Variants in PAPPA observed in about 807,000 individuals in gnomAD.
The protein encoded by PAPPA is pappalysin-1.
A neutral mutation model predicts 164.0 loss-of-function variants in PAPPA; 60 were observed. The ratio of observed to expected loss-of-function variants is 0.37; its 90% CI spans 0.30 to 0.45. The LOEUF is 0.45. Among genes scored for constraint, PAPPA ranks in the 20% least tolerant of loss-of-function variants. The pLI is 1.00. For missense variants in PAPPA, 1,782 were observed against 2,087.3 expected (o/e 0.85, Z 2.85); for synonymous variants, 875 against 814.1 (o/e 1.07, Z -1.27).
At chr9:116,364,743 CAGA>C (rs1472472767) in intron 18 of PAPPA, among the ~76,000 whole-genome samples, 4 of 152,142 alleles carry the variant, frequency 2.6e-5, no homozygotes, top group Admixed American at 2.0e-4. Flanking sequence ...TTCTCTCCAT[CAGA>C]ACAGTGGAGA....
Position 116,187,438 on chromosome 9 carries a change from A to G in PAPPA, c.700A>G (p.Lys234Glu). 6.2e-7 allele frequency: 1 copy of G among 1,614,170 alleles called. No individual in the cohort carries two copies. Among genetic ancestry groups the G allele is most frequent in the South Asian group, 1.1e-5 (1 of 91,088 alleles). The change falls in exon 2 of 22, where the codon AAG becomes GAG. Residue 234 changes from lysine to glutamate, a missense_variant. Physicochemically the swap from Lys to Glu is moderately conservative, Grantham distance 56 (BLOSUM62 1). Around this residue, in one of 2 missense-constraint regions of PAPPA, gnomAD observed 458 missense variants for 430.3 expected, o/e 1.06. Transcript: ENST00000328252. This position sits in a 1 kb window ranked among gnomAD's most constrained non-coding sequence, Gnocchi z 4.2. Reference protein sequence around the residue: ...VGGIFSPLTQKCKVLMLGGSA... With the variant: ...VGGIFSPLTQECKVLMLGGSA... ...TGGCATATTCAGCCCACTGACCCAG[A>G]AGTGCAAAGTGCTCATGTTAGGGGG...
intron 9 of PAPPA, among the ~76,000 whole-genome samples, chr9:116,283,843 C>A (rs577549335): frequency 6.6e-6 from 1 of 152,076 alleles, no homozygotes; most frequent in Admixed American, 6.6e-5. Flanking sequence ...CCATTTGTCC[C>A]GTGTGCATTT....
intron 13 of PAPPA, among the ~76,000 whole-genome samples, chr9:116,339,752 T>C (rs1312776609): frequency 1.3e-5 from 2 of 152,100 alleles, no homozygotes; most frequent in Non-Finnish European, 2.9e-5. Context: ...ACACCGTGAG[T>C]CAAGGAACAG....
At chr9:116,225,754 G>A (rs2118718896) in intron 5 of PAPPA, among the ~76,000 whole-genome samples, 1 of 152,192 alleles carries the variant, frequency 6.6e-6, no homozygotes, top group African/African-American at 2.4e-5. Flanking sequence ...CCTACAATTT[G>A]AAGGTCTGCA....
intron 10 of PAPPA, among the ~76,000 whole-genome samples, chr9:116,319,449 T>C (rs1038258302): frequency 1.3e-5 from 2 of 152,174 alleles, no homozygotes; most frequent in Non-Finnish European, 2.9e-5. Context: ...TAACATTTCA[T>C]GCAATATAAA....
At chr9:116,396,246 T>G (rs1035181905) in intron 21 of PAPPA, among the ~76,000 whole-genome samples, 2 of 152,212 alleles carry the variant, frequency 1.3e-5, no homozygotes, top group African/African-American at 4.8e-5. Context: ...AAGTGTTTTC[T>G]TGTTTGGAAA....
At chr9:116,182,401 G>A (rs1332919622) in intron 1 of PAPPA, among the ~76,000 whole-genome samples, 1 of 152,190 alleles carries the variant, frequency 6.6e-6, no homozygotes, top group Non-Finnish European at 1.5e-5. Flanking sequence ...CACATATGTG[G>A]GAAGCACAGA....
intron 7 of PAPPA, among the ~76,000 whole-genome samples, chr9:116,252,251 T>A (rs2118782202): frequency 6.6e-6 from 1 of 152,306 alleles, no homozygotes; most frequent in Admixed American, 6.5e-5. Context: ...GAGTTTTGCA[T>A]TACCTGTGTG....
intron 6 of PAPPA, among the ~76,000 whole-genome samples, chr9:116,232,616 C>T (rs901353265): frequency 1.3e-5 from 2 of 152,182 alleles, no homozygotes; most frequent in African/African-American, 2.4e-5. Context: ...TTAGTGCCAA[C>T]GTAAAAAGAC....
chr9:116,376,410 A>G (rs1232386729), intron 19 of PAPPA, among the ~76,000 whole-genome samples: 1 of 152,148 alleles, frequency 6.6e-6, no homozygotes, highest in Non-Finnish European at 1.5e-5. Context: ...ACTTTTTAAA[A>G]TATCATCATG....
intron 9 of PAPPA, among the ~76,000 whole-genome samples, chr9:116,289,234 CA>C (rs1564212232): frequency 7.7e-5 from 3 of 39,008 alleles, no homozygotes; most frequent in East Asian, 8.6e-4. Flanking sequence ...ATATATATAG[CA>C]TATATATATA....
intron 13 of PAPPA, among the ~76,000 whole-genome samples, chr9:116,343,633 A>G (rs1418836607): frequency 3.9e-5 from 6 of 152,208 alleles, no homozygotes; most frequent in Non-Finnish European, 8.8e-5. Flanking sequence ...TCTCGTGGCT[A>G]TATGAGGTTG....
Position 116,154,955 on chromosome 9 carries a change from C to T in PAPPA, c.415+368C>T, listed in dbSNP as rs888177690. 6.6e-6 allele frequency among the ~76,000 whole-genome samples: 1 copy of T among 152,210 alleles called. No homozygotes were observed. The highest frequency in any genetic ancestry group is 2.4e-5 in the African/African-American group (1 of 41,462). On this transcript the variant is annotated intron_variant, in intron 1 of 21. Transcript: ENST00000328252. The surrounding 1 kb of genome is among the most constrained non-coding windows in gnomAD (Gnocchi z 5.2). ...AAGGGAGGATGACCCAATTGAGATG[C>T]ATGTGAAAGGAGACTTGGGGACCGT...
chr9:116,326,046 C>T (rs187859423), intron 10 of PAPPA, among the ~76,000 whole-genome samples: 2 of 152,174 alleles, frequency 1.3e-5, no homozygotes, highest in African/African-American at 4.8e-5. Flanking sequence ...GAAAGTGGAT[C>T]CAGGAGTCTC....
At chr9:116,328,937 T>C (rs1845954922) in intron 10 of PAPPA, among the ~76,000 whole-genome samples, 1 of 152,262 alleles carries the variant, frequency 6.6e-6, no homozygotes, top group Admixed American at 6.5e-5. Context: ...TTACTATAAA[T>C]ATGAAATTAC....
At chr9:116,276,081 C>T (rs1383022145) in intron 9 of PAPPA, among the ~76,000 whole-genome samples, 1 of 152,130 alleles carries the variant, frequency 6.6e-6, no homozygotes, top group African/African-American at 2.4e-5. Context: ...ATACACCAGG[C>T]CTGAGGTTTC....
intron 19 of PAPPA, among the ~76,000 whole-genome samples, chr9:116,377,240 C>T (rs1261154727): frequency 2.0e-5 from 3 of 151,996 alleles, no homozygotes; most frequent in African/African-American, 7.2e-5. Flanking sequence ...CCTCCCCCCA[C>T]CTTATCCCAA....
chr9:116,204,709 C>T (rs907450423), intron 2 of PAPPA, among the ~76,000 whole-genome samples: 1 of 152,194 alleles, frequency 6.6e-6, no homozygotes, highest in Non-Finnish European at 1.5e-5. Flanking sequence ...AGCCACCATG[C>T]CCAGCCCTGA....
Position 116,396,796 on chromosome 9 carries a change from C to A in PAPPA, c.*180C>A. Reference sequence around the variant, plus strand: ...ACATTGGGGCGAATGAACCAAGTTTCGCCATGCTGGATGATGAAATGGATT... The same window carrying A: ...ACATTGGGGCGAATGAACCAAGTTTAGCCATGCTGGATGATGAAATGGATT... On this transcript the variant is annotated 3_prime_UTR_variant, in exon 22 of 22. Transcript: ENST00000328252. The A allele has an allele frequency of 3.4e-6, 2 of 586,354 alleles. No individual in the cohort carries two copies. The highest frequency in any genetic ancestry group is 6.1e-6 in the Non-Finnish European group (2 of 327,994). 36.3% of individuals were successfully genotyped at this position (586,354 alleles called of 1,614,324 possible).
Sources: allele counts gnomAD v4.1 joint callset (sites outside exome capture counted in the v4.1 genomes callset), GRCh38; gene constraint gnomAD v4.1.1; regional missense constraint gnomAD v4.1.1; non-coding constraint Gnocchi (gnomAD v3.1); transcripts MANE v1.5; gene names NCBI Gene and HGNC (gene_info 2026-07-23, HGNC 2026-07-21).